RNF175: variants seen among roughly 807,000 people sequenced by gnomAD.
The protein encoded by RNF175 is ring finger protein 175.
A neutral mutation model predicts 50.0 loss-of-function variants in RNF175; 38 were observed. The ratio of observed to expected loss-of-function variants is 0.76; its 90% CI spans 0.59 to 1.00. The LOEUF (loss-of-function observed/expected upper bound fraction) is 1.00, where lower values mean the gene tolerates loss of function less well. RNF175 is among the 50% of genes least tolerant of loss of function. The pLI is 0.00. For synonymous variants in RNF175, 155 were observed against 146.1 expected (o/e 1.06, Z -0.44); for missense variants, 388 against 409.6 (o/e 0.95, Z 0.46).
chr4:153,724,066 C>G (rs1437548489), intron 4 of RNF175, among the ~76,000 whole-genome samples: 1 of 152,144 alleles, frequency 6.6e-6, no homozygotes, highest in Non-Finnish European at 1.5e-5. Context: ...GTGGAAGGGT[C>G]CTGCGTGTAC....
rs546436319 is a variant in RNF175, at chr4:153,735,921, T to A, written c.247-7560A>T. On this transcript the variant is annotated intron_variant, in intron 3 of 8. Transcript: ENST00000347063. Reference sequence around the variant, plus strand: ...TTGAGATTTTCCATATAGACAATCATGTAAGATGGTTTTAATTTTTCTTTC... The same window carrying A: ...TTGAGATTTTCCATATAGACAATCAAGTAAGATGGTTTTAATTTTTCTTTC... Among the ~76,000 whole-genome samples the A allele has an allele frequency of 1.4e-4, 21 of 152,332 alleles. No homozygotes were observed. In the East Asian group the frequency reaches 3.5e-3, roughly 25 times the overall value.
chr4:153,748,918 TAA>T (rs1740143282), intron 2 of RNF175, 132 bp from the exon 3 acceptor site: 1 of 750,146 alleles, frequency 1.3e-6, no homozygotes, highest in Admixed American at 3.1e-5. Context: ...ATTTCAAATA[TAA>T]GGGTTGGTAA....
At chr4:153,756,389 C>G (rs546075853) in intron 1 of RNF175, among the ~76,000 whole-genome samples, 27 of 152,222 alleles carry the variant, frequency 1.8e-4, no homozygotes, top group Middle Eastern at 3.4e-3. Flanking sequence ...TGTTTCCCCC[C>G]AAGCTGCTCC....
chr4:153,722,777 A>AC (rs1738425446), intron 5 of RNF175, among the ~76,000 whole-genome samples: 1 of 148,164 alleles, frequency 6.7e-6, no homozygotes, highest in African/African-American at 2.5e-5. Flanking sequence ...CAAAAAAAAA[A>AC]AACACAACAA....
At chr4:153,726,718 T>C (rs906608901) in intron 4 of RNF175, among the ~76,000 whole-genome samples, 6 of 152,224 alleles carry the variant, frequency 3.9e-5, no homozygotes, top group African/African-American at 1.4e-4. Context: ...CTGGGGCCTA[T>C]TGCCTCTTAT....
At chr4:153,741,430 G>A (rs1739651152) in intron 3 of RNF175, among the ~76,000 whole-genome samples, 1 of 152,190 alleles carries the variant, frequency 6.6e-6, no homozygotes, top group Non-Finnish European at 1.5e-5. Flanking sequence ...GTCCCTGACT[G>A]TGGCTCCCAG....
intron 3 of RNF175, among the ~76,000 whole-genome samples, chr4:153,734,765 T>A (rs1335012896): frequency 7.3e-6 from 1 of 137,396 alleles, no homozygotes; most frequent in African/African-American, 2.8e-5. Flanking sequence ...AAGCTCCTCC[T>A]CCTGGGTTCA....
chr4:153,729,820 T>C, intron 3 of RNF175: 1 of 985,016 alleles, frequency 1.0e-6, no homozygotes, highest in South Asian at 4.7e-5. Context: ...GGTGAGTATC[T>C]GAGGAGTTCG....
chr4:153,741,452 T>C (rs939278445), intron 3 of RNF175, among the ~76,000 whole-genome samples: 1 of 152,198 alleles, frequency 6.6e-6, no homozygotes, highest in Non-Finnish European at 1.5e-5. Context: ...AGTTTCTCAC[T>C]CTCACACTAC....
At chr4:153,711,673 T>C (rs1285262166) in intron 8 of RNF175, among the ~76,000 whole-genome samples, 1 of 152,200 alleles carries the variant, frequency 6.6e-6, no homozygotes, top group East Asian at 1.9e-4. Context: ...TCAGGACTCT[T>C]CTGCTTAAGG....
At chr4:153,711,540 CAG>C (rs1244674081) in intron 8 of RNF175, among the ~76,000 whole-genome samples, 5 of 152,180 alleles carry the variant, frequency 3.3e-5, no homozygotes, top group African/African-American at 9.7e-5. Context: ...TGGTGAGGAA[CAG>C]GGGAGCAGGA....
Position 153,751,422 on chromosome 4 carries a change from A to G in RNF175, c.104+16T>C. The G allele has an allele frequency of 6.6e-7, 1 of 1,516,720 alleles. No homozygotes were observed. Among genetic ancestry groups the G allele is most frequent in the South Asian group, 1.3e-5 (1 of 79,860 alleles). The allele number at this position is 1,516,720 out of a possible 1,614,324, so 94.0% of individuals were successfully genotyped here. ...ATTTTTAGCAAAACAACTCTTAAAAAATACTAATTACTTACTTCCATGTGT... is the reference window on the plus strand; with the variant it reads ...ATTTTTAGCAAAACAACTCTTAAAAGATACTAATTACTTACTTCCATGTGT... On this transcript the variant is annotated intron_variant, in intron 2 of 8. Transcript: ENST00000347063.
intron 4 of RNF175, among the ~76,000 whole-genome samples, chr4:153,725,184 G>A (rs1274471236): frequency 6.6e-6 from 1 of 152,066 alleles, no homozygotes; most frequent in Non-Finnish European, 1.5e-5. Flanking sequence ...GGCTGCAGAA[G>A]TTGGCTGAAA....
In RNF175 at chr4:153,717,103, A is replaced by G. The variant is rs552506504; in HGVS notation, c.631-1441T>C. 2.6e-5 allele frequency among the ~76,000 whole-genome samples: 4 copies of G among 152,132 alleles called. No homozygotes were observed. In the East Asian group the frequency reaches 7.7e-4, roughly 29 times the overall value. ...TCTCTTCCACTTATTTATTTATTCA[A>G]TCATTTATTTGATATCAATGTGGAC... On this transcript the variant is annotated intron_variant, in intron 6 of 8. Coordinates refer to ENST00000347063, the MANE Select transcript of RNF175 (RefSeq NM_173662.4).
In RNF175 at chr4:153,748,733, A is replaced by G. The variant is rs1442192557; in HGVS notation, c.158T>C (p.Val53Ala). The G allele has an allele frequency of 6.2e-7, 1 of 1,611,582 alleles. No homozygotes were observed. Among genetic ancestry groups the G allele is most frequent in the African/African-American group, 1.3e-5 (1 of 74,876 alleles). ...KMHRGHDSMH[V>A]EMILIFLCVL... is the part of the protein sequence containing the mutation. ...GCAGAGGAAGATCAAGATCATTTCCACGTGCATGGAATCGTGGCCCCGGTG... is the reference window on the plus strand; with the variant it reads ...GCAGAGGAAGATCAAGATCATTTCCGCGTGCATGGAATCGTGGCCCCGGTG... Residue 53 changes from valine (V) to alanine (A), a missense_variant, in exon 3 of 9, where the codon GTG (valine) becomes GCG (alanine). Val to Ala is a moderately conservative substitution (Grantham distance 64). Coordinates refer to ENST00000347063, the MANE Select transcript of RNF175 (RefSeq NM_173662.4).
chr4:153,720,400 C>A (rs981131491), intron 5 of RNF175, 96 bp from the exon 6 acceptor site: 1 of 939,056 alleles, frequency 1.1e-6, no homozygotes, highest in East Asian at 2.5e-5. Flanking sequence ...TCTAAGAGAA[C>A]CTTGTGGGTA....
At chr4:153,733,807 T>A (rs189627201) in intron 3 of RNF175, among the ~76,000 whole-genome samples, 30 of 145,400 alleles carry the variant, frequency 2.1e-4, no homozygotes, top group African/African-American at 7.0e-4. Flanking sequence ...TAATATATTG[T>A]ACCCACAAAT....
intron 1 of RNF175, among the ~76,000 whole-genome samples, chr4:153,751,696 G>A (rs1017649624): frequency 2.6e-5 from 4 of 152,196 alleles, no homozygotes; most frequent in Non-Finnish European, 5.9e-5. Context: ...ATTTGATCCT[G>A]TTCCTGGATC....
intron 8 of RNF175, 127 bp from the exon 9 acceptor site, chr4:153,710,616 CAATT>C: frequency 1.2e-6 from 1 of 862,226 alleles, no homozygotes; most frequent in Non-Finnish European, 1.8e-6. Context: ...TCTATGTGCT[CAATT>C]AAAAGCCCCT....
Sources: gnomAD v4.1 joint callset for allele counts (sites outside exome capture counted in the v4.1 genomes callset) on GRCh38, gnomAD v4.1.1 for gene constraint, MANE v1.5 for transcripts, NCBI Gene and HGNC (gene_info 2026-07-23, HGNC 2026-07-21) for gene names.